Variants in KCNT1 observed in about 807,000 individuals in gnomAD.
KCNT1 encodes the protein potassium channel subfamily T member 1.
A neutral mutation model predicts 147.8 loss-of-function variants in KCNT1; 78 were observed. That is an observed-to-expected ratio of 0.53 (90% confidence interval 0.44 to 0.64). The LOEUF (loss-of-function observed/expected upper bound fraction) is 0.64. Among genes scored for constraint, KCNT1 ranks in the 30% least tolerant of loss-of-function variants. The probability of loss-of-function intolerance (pLI) is 0.00; values close to 1 mark genes in which losing one functional copy is unlikely to be tolerated. For missense variants in KCNT1, 1,419 were observed against 1,750.3 expected (o/e 0.81, Z 3.38); for synonymous variants, 867 against 748.8 (o/e 1.16, Z -2.58).
intron 1 of KCNT1, among the ~76,000 whole-genome samples, chr9:135,709,546 G>T (rs943622220): frequency 6.6e-6 from 1 of 152,108 alleles, no homozygotes; most frequent in African/African-American, 2.4e-5. Context: ...AGAACCCCCC[G>T]TTCTGTAACC....
At chr9:135,738,499 A>C (rs528471951) in intron 2 of KCNT1, among the ~76,000 whole-genome samples, 1 of 152,268 alleles carries the variant, frequency 6.6e-6, no homozygotes, top group African/African-American at 2.4e-5. Flanking sequence ...GGTCTGCCCC[A>C]GGGAGCTGGG....
Position 135,770,924 on chromosome 9 carries a change from C to A in KCNT1, c.1837C>A (p.Arg613=). The A allele has an allele frequency of 6.2e-7, 1 of 1,611,942 alleles. No homozygotes were observed. Among genetic ancestry groups the A allele is most frequent in the Non-Finnish European group, 8.5e-7 (1 of 1,179,106 alleles). ...NKSILLNPGP[R]HILAASDTCF... is the part of the protein sequence containing the mutation. ...GAGCATCCTGCTGAACCCGGGGCCC[C>A]GGCACATCCTGGCCGCCTCTGACAC... Residue 613 remains arginine (R), a synonymous_variant, in exon 18 of 31, where the codon CGG becomes AGG. Coordinates refer to ENST00000371757, the MANE Select transcript of KCNT1 (RefSeq NM_020822.3).
Position 135,770,365 on chromosome 9 carries a change from C to A in KCNT1, c.1687C>A (p.His563Asn). The A allele has an allele frequency of 1.2e-6, 2 of 1,613,180 alleles. No homozygotes were observed. Among genetic ancestry groups the A allele is most frequent in the Non-Finnish European group, 1.7e-6 (2 of 1,179,786 alleles). ...GCGCTGCTCCGGCAACGAGGTGTAC[C>A]ACATCCGCATGGGTGACAGCAAGTT... ...YGRCSGNEVY[H>N]IRMGDSKFFR... is the part of the protein sequence containing the mutation. The change falls in exon 17 of 31, where the codon CAC (histidine) becomes AAC (asparagine). Residue 563 changes from histidine to asparagine, a missense_variant. By Grantham distance (68) the His-to-Asn change is moderately conservative. Coordinates refer to ENST00000371757, the MANE Select transcript of KCNT1 (RefSeq NM_020822.3).
rs1311939590 is a variant in KCNT1, at chr9:135,759,861, T to C, written c.1035+2T>C. 1 of 1,596,066 alleles carries C rather than the reference T, an allele frequency of 6.3e-7. No homozygotes were observed. The highest frequency in any genetic ancestry group is 8.5e-7 in the Non-Finnish European group (1 of 1,170,332). On this transcript the variant is annotated splice_donor_variant, in intron 11 of 30. Transcript: ENST00000371757. LOFTEE classifies it high-confidence loss of function. ...GCCCTCGTGGTGCTCCCACTGCAGG[T>C]GGGTCCTCTGGGCACCAGCCCTGGG... is the stretch of plus-strand genomic sequence containing the variant.
At chr9:135,722,890 G>A (rs1835980522) in intron 2 of KCNT1, among the ~76,000 whole-genome samples, 1 of 152,220 alleles carries the variant, frequency 6.6e-6, no homozygotes, top group Non-Finnish European at 1.5e-5. Context: ...AAGGGAATCT[G>A]GGGGTGCAAT....
intron 2 of KCNT1, 87 bp from the exon 3 acceptor site, chr9:135,750,011 G>C: frequency 9.6e-7 from 1 of 1,036,286 alleles, no homozygotes; most frequent in Non-Finnish European, 1.5e-6. Flanking sequence ...AAAGTTGGAA[G>C]AAGTCAGTCA....
chr9:135,718,914 C>T (rs1053980321), intron 2 of KCNT1, among the ~76,000 whole-genome samples: 1 of 152,218 alleles, frequency 6.6e-6, no homozygotes, highest in South Asian at 2.1e-4. Flanking sequence ...CCGCTCCCAG[C>T]GGGGATGACC....
In KCNT1 at chr9:135,752,193, C is replaced by T. The variant is rs1231784726; in HGVS notation, c.434+1152C>T. ...CATGCTGGTCCCCCCTCTGGCTGCG[C>T]AGAGCAGGTTCTTCCCTGGAGAGAA... On this transcript the variant is annotated intron_variant, in intron 4 of 30. Transcript: ENST00000371757. This position sits in a 1 kb window ranked among gnomAD's most constrained non-coding sequence, Gnocchi z 5.1. 2.8e-6 allele frequency: 1 copy of T among 360,746 alleles called. No homozygotes were observed. The highest frequency in any genetic ancestry group is 5.5e-6 in the Non-Finnish European group (1 of 182,538). The allele number at this position is 360,746 out of a possible 1,614,324, so 22.3% of individuals were successfully genotyped here.
chr9:135,763,745 C>T (rs1490858450), intron 11 of KCNT1, among the ~76,000 whole-genome samples: 1 of 152,162 alleles, frequency 6.6e-6, no homozygotes, highest in African/African-American at 2.4e-5. Flanking sequence ...CTGCAGAGAC[C>T]TATTTCCAAT....
chr9:135,721,467 G>A (rs1395641654), intron 2 of KCNT1, among the ~76,000 whole-genome samples: 3 of 152,342 alleles, frequency 2.0e-5, no homozygotes, highest in African/African-American at 7.2e-5. Context: ...GGAGGACACG[G>A]CCAGCCTGAG....
rs781354446 is a variant in KCNT1, at chr9:135,714,753, C to T, written c.254+33C>T. ...CCGGGCGCGGGGTGGGGGCTGGGGT[C>T]GCCGTCCCGGCGCCGCCGCACGCCC... On this transcript the variant is annotated intron_variant, in intron 2 of 30. Transcript: ENST00000371757. This position sits in a 1 kb window ranked among gnomAD's most constrained non-coding sequence, Gnocchi z 6.2. 2 of 1,228,268 alleles carry T rather than the reference C, an allele frequency of 1.6e-6. No homozygotes were observed. Among genetic ancestry groups the T allele is most frequent in the East Asian group, 3.9e-5 (1 of 25,332 alleles). 76.1% of individuals were successfully genotyped at this position (1,228,268 alleles called of 1,614,324 possible). A position where few individuals can be genotyped will look rare whatever the true frequency, so the allele number is the denominator to read the frequency against.
chr9:135,756,508 C>T (rs899951013), intron 6 of KCNT1, among the ~76,000 whole-genome samples: 2 of 152,104 alleles, frequency 1.3e-5, no homozygotes, highest in Non-Finnish European at 2.9e-5. Context: ...AGAGGGGTTC[C>T]GTGGGGGAAA....
intron 3 of KCNT1, chr9:135,750,505 C>T (rs931620384): frequency 9.6e-5 from 46 of 477,044 alleles, no homozygotes; most frequent in Non-Finnish European, 1.6e-4. Flanking sequence ...CCTGTGGCCA[C>T]GCCCTGCCTC....
At chr9:135,788,313 A>G (rs1834227731) in intron 29 of KCNT1, 1 of 702,164 alleles carries the variant, frequency 1.4e-6, no homozygotes, top group African/African-American at 1.7e-5. Flanking sequence ...CCTGTTGGGC[A>G]AGGCCTCGCA....
Position 135,702,203 on chromosome 9 carries a change from A to G in KCNT1, c.-56A>G, listed in dbSNP as rs1483263965. On this transcript the variant is annotated 5_prime_UTR_variant, in exon 1 of 31. Coordinates refer to ENST00000371757, the MANE Select transcript of KCNT1 (RefSeq NM_020822.3). The stretch of plus-strand genomic sequence containing the variant: ...GTTTTTCAGGGCAACGCGAGGGAAG[A>G]AGGTGGCGGCTCCCACTCGCTTCTC... The G allele has an allele frequency of 4.7e-6, 6 of 1,265,716 alleles. No homozygotes were observed. The highest frequency in any genetic ancestry group is 2.4e-5 in the East Asian group (1 of 41,066). The allele number at this position is 1,265,716 out of a possible 1,614,324, so 78.4% of individuals were successfully genotyped here. A position where few individuals can be genotyped will look rare whatever the true frequency, so the allele number is the denominator to read the frequency against.
At chr9:135,779,809 G>A (rs1312951520) in intron 24 of KCNT1, among the ~76,000 whole-genome samples, 3 of 152,266 alleles carry the variant, frequency 2.0e-5, no homozygotes, top group South Asian at 2.1e-4. Context: ...ACTCCCGTGG[G>A]GAGCCCTCAG....
chr9:135,775,464 G>T, intron 20 of KCNT1, 49 bp downstream of exon 20: 1 of 1,414,224 alleles, frequency 7.1e-7, no homozygotes. Context: ...CGCCAGCACC[G>T]GGCCGTGCAT....
chr9:135,769,478 G>T (rs1482400310), intron 15 of KCNT1, among the ~76,000 whole-genome samples: 1 of 152,178 alleles, frequency 6.6e-6, no homozygotes, highest in Non-Finnish European at 1.5e-5. Flanking sequence ...GGACCTAGGG[G>T]GTCCAAACTC....
At chr9:135,734,064 G>A (rs1830235360) in intron 2 of KCNT1, among the ~76,000 whole-genome samples, 1 of 152,176 alleles carries the variant, frequency 6.6e-6, no homozygotes, top group African/African-American at 2.4e-5. Context: ...GCTCGCGGTA[G>A]GCAAAGCGAG....
Sources: gnomAD v4.1 joint callset for allele counts (sites outside exome capture counted in the v4.1 genomes callset) on GRCh38, gnomAD v4.1.1 for gene constraint, Gnocchi (gnomAD v3.1) non-coding constraint, MANE v1.5 for transcripts, NCBI Gene and HGNC (gene_info 2026-07-23, HGNC 2026-07-21) for gene names.